The following GALNT11 variants were observed in gnomAD, a reference collection of about 807,000 sequenced individuals.
GALNT11 encodes UDP-GalNAc:polypeptide N-acetylgalactosaminyltransferase 11.
Under a neutral mutation model 72.7 loss-of-function variants are expected in GALNT11, and 47 were observed. The observed-to-expected ratio is 0.65, with a 90% CI of 0.51 to 0.82. The LOEUF (loss-of-function observed/expected upper bound fraction) is 0.82. Ranked by LOEUF, GALNT11 falls within the 40% of genes least tolerant of loss-of-function variation. The pLI is 0.00. For missense variants in GALNT11, 677 were observed against 778.4 expected (o/e 0.87, Z 1.55); for synonymous variants, 270 against 286.6 (o/e 0.94, Z 0.58).
At chr7:152,069,872 T>G (rs2084524517) in intron 1 of GALNT11, among the ~76,000 whole-genome samples, 1 of 152,238 alleles carries the variant, frequency 6.6e-6, no homozygotes. Context: ...GACACTCTCT[T>G]TTGATTGGTG....
At chr7:152,041,907 C>A (rs550632559) in intron 1 of GALNT11, among the ~76,000 whole-genome samples, 4 of 152,310 alleles carry the variant, frequency 2.6e-5, no homozygotes, top group Non-Finnish European at 5.9e-5. Context: ...GAGTAGTAGT[C>A]TGAATTTTGT....
chr7:152,099,530 GTTTTTTTTTTTT>G (rs1009548038), intron 2 of GALNT11, among the ~76,000 whole-genome samples: 1,072 of 57,770 alleles, frequency 0.019, 26 homozygotes, highest in African/African-American at 0.076. Flanking sequence ...CTCCCGCCTA[GTTTTTTTTTTTT>G]TTTTTTTTTT....
Position 152,105,316 on chromosome 7 carries a change from A to T in GALNT11, c.658A>T (p.Thr220Ser), listed in dbSNP as rs780914826. The T allele has an allele frequency of 1.2e-6, 2 of 1,614,158 alleles. No individual in the cohort carries two copies. Among genetic ancestry groups the T allele is most frequent in the Admixed American group, 3.3e-5 (2 of 60,014 alleles). ...LPGKIKVIRN[T>S]KREGLIRGRM... ...TGGAAAAATTAAAGTCATAAGAAAT[A>T]CAAAGCGTGAGGGGTTGATTCGAGG... Residue 220 changes from threonine to serine, a missense_variant, in exon 5 of 12, where the codon ACA becomes TCA. Physicochemically the swap from Thr to Ser is moderately conservative, Grantham distance 58 (BLOSUM62 1). Coordinates refer to ENST00000430044, the MANE Select transcript of GALNT11 (RefSeq NM_022087.4).
In GALNT11 at chr7:152,120,901, G is replaced by A. The variant is rs139117714; in HGVS notation, c.1628G>A (p.Arg543His). 62 of 1,613,466 alleles carry A rather than the reference G, an allele frequency of 3.8e-5. 3 individuals carry two copies. In the South Asian group the frequency reaches 4.2e-4, roughly 11 times the overall value. ...SLLCLDMSET[R>H]SSDPPRLMKC... ...CTTTGTCTAGATATGTCAGAGACTC[G>A]CTCATCAGACCCGCCACGGCTCATG... Residue 543 changes from arginine (R) to histidine (H), a missense_variant, in exon 11 of 12, where the codon CGC (arginine) becomes CAC (histidine). Coordinates refer to ENST00000430044, the MANE Select transcript of GALNT11 (RefSeq NM_022087.4).
chr7:152,030,882 T>C (rs1213403678), intron 1 of GALNT11, among the ~76,000 whole-genome samples: 1 of 152,252 alleles, frequency 6.6e-6, no homozygotes, highest in African/African-American at 2.4e-5. Context: ...CTTATGCTGC[T>C]GTTCTCCCCT....
In GALNT11 at chr7:152,093,695, C is replaced by T. The variant is rs143845727; in HGVS notation, c.-38-495C>T. On this transcript the variant is annotated intron_variant, in intron 1 of 11. Transcript: ENST00000430044. Reference sequence around the variant, plus strand: ...CCGCCCACCTCAGCCTCCCAAAGTGCTGGGATTACAATCATGAGCCACCAC... The same window carrying T: ...CCGCCCACCTCAGCCTCCCAAAGTGTTGGGATTACAATCATGAGCCACCAC... Among the ~76,000 whole-genome samples the T allele has an allele frequency of 6.7e-4, 102 of 152,200 alleles. 1 individual carries two copies. The highest frequency in any genetic ancestry group is 2.1e-3 in the African/African-American group (87 of 41,540).
chr7:152,036,823 A>G (rs987452347), intron 1 of GALNT11, among the ~76,000 whole-genome samples: 1 of 151,962 alleles, frequency 6.6e-6, no homozygotes, highest in African/African-American at 2.4e-5. Context: ...TTTGTTTTGC[A>G]TTTCTCTGAT....
Position 152,025,904 on chromosome 7 carries a change from C to A in GALNT11, c.-39+20C>A. On this transcript the variant is annotated intron_variant, in intron 1 of 11. Coordinates refer to ENST00000430044, the MANE Select transcript of GALNT11 (RefSeq NM_022087.4). ...AAGGCGGTGAGTACCCTCTAGGCGG[C>A]GGCCTCCCGGCGTCCCTCAGCACCT... The A allele has an allele frequency of 4.3e-6, 1 of 230,004 alleles. No homozygotes were observed. Among genetic ancestry groups the A allele is most frequent in the South Asian group, 3.9e-5 (1 of 25,554 alleles). 14.2% of individuals were successfully genotyped at this position (230,004 alleles called of 1,614,324 possible). A position where few individuals can be genotyped will look rare whatever the true frequency, so the allele number is the denominator to read the frequency against.
At chr7:152,034,052 A>G (rs1473778606) in intron 1 of GALNT11, among the ~76,000 whole-genome samples, 2 of 152,186 alleles carry the variant, frequency 1.3e-5, no homozygotes, top group Admixed American at 1.3e-4. Flanking sequence ...TTTAAATCAG[A>G]GAGGGAGAAA....
chr7:152,031,092 C>G (rs1166986533), intron 1 of GALNT11, among the ~76,000 whole-genome samples: 1 of 152,222 alleles, frequency 6.6e-6, no homozygotes, highest in Non-Finnish European at 1.5e-5. Context: ...CACATTTATT[C>G]TTTTTCCCTT....
rs368586007 is a variant in GALNT11, at chr7:152,097,361, A to G, written c.295+2839A>G. On this transcript the variant is annotated intron_variant, in intron 2 of 11. Transcript: ENST00000430044. ...CTTAAAAAGGAGAGTAGCAAGCGACAGTGAGGATGTGGAGAAACTGGAGCC... is the reference window on the plus strand; with the variant it reads ...CTTAAAAAGGAGAGTAGCAAGCGACGGTGAGGATGTGGAGAAACTGGAGCC... 8.0e-4 allele frequency among the ~76,000 whole-genome samples: 122 copies of G among 152,350 alleles called. 1 individual carries two copies. Among genetic ancestry groups the G allele is most frequent in the African/African-American group, 2.8e-3 (116 of 41,580 alleles).
chr7:152,054,187 A>C (rs2083538383), intron 1 of GALNT11, among the ~76,000 whole-genome samples: 1 of 152,040 alleles, frequency 6.6e-6, no homozygotes, highest in Non-Finnish European at 1.5e-5. Flanking sequence ...AATAGCTTTA[A>C]TTGATTTTTA....
intron 1 of GALNT11, among the ~76,000 whole-genome samples, chr7:152,035,451 G>A (rs1013433075): frequency 7.2e-5 from 11 of 152,202 alleles, no homozygotes; most frequent in East Asian, 1.9e-4. Flanking sequence ...ATAGATGGGC[G>A]AGTCTCGCTT....
intron 3 of GALNT11, among the ~76,000 whole-genome samples, chr7:152,101,647 G>GT (rs999792856): frequency 2.0e-5 from 3 of 146,498 alleles, no homozygotes; most frequent in Admixed American, 6.7e-5. Flanking sequence ...TTTTTTGGGG[G>GT]GGGGGGGATG....
chr7:152,110,176 G>C (rs1415813326), intron 6 of GALNT11, among the ~76,000 whole-genome samples: 1 of 152,174 alleles, frequency 6.6e-6, no homozygotes, highest in East Asian at 1.9e-4. Flanking sequence ...ATGTTTGTCA[G>C]GTCTCTCCTT....
intron 1 of GALNT11, among the ~76,000 whole-genome samples, chr7:152,060,620 C>T (rs1050047399): frequency 6.7e-6 from 1 of 148,828 alleles, no homozygotes; most frequent in Non-Finnish European, 1.5e-5. Flanking sequence ...TGCTATCCCT[C>T]CCCCCCCTCC....
At chr7:152,042,196 C>G (rs947682328) in intron 1 of GALNT11, among the ~76,000 whole-genome samples, 3 of 152,220 alleles carry the variant, frequency 2.0e-5, no homozygotes, top group Non-Finnish European at 4.4e-5. Flanking sequence ...CATTCACAGT[C>G]CTGCTCAGCT....
At chr7:152,047,460 A>G (rs970013315) in intron 1 of GALNT11, among the ~76,000 whole-genome samples, 1 of 151,944 alleles carries the variant, frequency 6.6e-6, no homozygotes, top group African/African-American at 2.4e-5. Context: ...GGGAGACTCC[A>G]TCTCAAAACA....
Position 152,094,550 on chromosome 7 carries a change from A to G in GALNT11, c.295+28A>G, listed in dbSNP as rs2086255175. The G allele has an allele frequency of 6.5e-7, 1 of 1,549,966 alleles. No homozygotes were observed. Among genetic ancestry groups the G allele is most frequent in the African/African-American group, 1.4e-5 (1 of 72,632 alleles). ...AAGTATATGATGTTTACCAGCATCC[A>G]TATCAATGTATTTAATCACTGGAAG... On this transcript the variant is annotated intron_variant, in intron 2 of 11. Transcript: ENST00000430044. The surrounding 1 kb of genome is among the most constrained non-coding windows in gnomAD (Gnocchi z 4.3).
Sources: gnomAD v4.1 joint callset for allele counts (sites outside exome capture counted in the v4.1 genomes callset) on GRCh38, gnomAD v4.1.1 for gene constraint, Gnocchi (gnomAD v3.1) non-coding constraint, MANE v1.5 for transcripts, NCBI Gene and HGNC (gene_info 2026-07-23, HGNC 2026-07-21) for gene names.